Variants in HLCS observed in about 807,000 individuals in gnomAD.
HLCS encodes the protein biotin--protein ligase.
HLCS carries 53 observed loss-of-function variants against 75.0 expected under a neutral mutation model. The ratio of observed to expected loss-of-function variants is 0.71; its 90% CI spans 0.57 to 0.89. HLCS has a LOEUF of 0.89. HLCS is among the 40% of genes least tolerant of loss of function. The probability of loss-of-function intolerance (pLI) is 0.00; values close to 1 mark genes in which losing one functional copy is unlikely to be tolerated. For synonymous variants in HLCS, 431 were observed against 428.6 expected (o/e 1.01, Z -0.07); for missense variants, 966 against 1,074.0 (o/e 0.90, Z 1.41).
At chr21:36,821,945 C>T (rs947885455) in intron 6 of HLCS, among the ~76,000 whole-genome samples, 2 of 152,072 alleles carry the variant, frequency 1.3e-5, no homozygotes, top group Non-Finnish European at 2.9e-5. Flanking sequence ...GAGAAACTGA[C>T]AGCTGACAGG....
intron 1 of HLCS, among the ~76,000 whole-genome samples, chr21:36,975,423 T>A (rs1265522436): frequency 6.6e-6 from 1 of 152,066 alleles, no homozygotes; most frequent in Admixed American, 6.6e-5. Flanking sequence ...CCGTCCCCTG[T>A]TTCCCACGGT....
chr21:36,780,843 T>C (rs772345919), intron 6 of HLCS, among the ~76,000 whole-genome samples: 4 of 152,086 alleles, frequency 2.6e-5, no homozygotes. Flanking sequence ...TGCGTGTGTA[T>C]ACACAGTCAA....
At chr21:36,972,712 G>GT (rs1484934396) in intron 1 of HLCS, among the ~76,000 whole-genome samples, 1 of 152,160 alleles carries the variant, frequency 6.6e-6, no homozygotes, top group African/African-American at 2.4e-5. Flanking sequence ...TATACTTGAA[G>GT]TGTGTTAGAG....
At chr21:36,961,974 A>C (rs887585180) in intron 2 of HLCS, 62 bp downstream of exon 2, 2 of 1,135,026 alleles carry the variant, frequency 1.8e-6, no homozygotes, top group South Asian at 1.4e-5. Flanking sequence ...AAAAAAAAGC[A>C]AATTTGGTTT....
chr21:36,956,428 T>C (rs1239956326), intron 2 of HLCS, among the ~76,000 whole-genome samples: 1 of 152,180 alleles, frequency 6.6e-6, no homozygotes, highest in Non-Finnish European at 1.5e-5. Context: ...TGAAATATTT[T>C]AAGATATTTG....
intron 6 of HLCS, among the ~76,000 whole-genome samples, chr21:36,799,238 T>C (rs973918832): frequency 2.0e-5 from 3 of 152,360 alleles, no homozygotes; most frequent in South Asian, 4.1e-4. Flanking sequence ...CAGGCAGATA[T>C]TCAATGGTTC....
At chr21:36,966,361 G>T in intron 1 of HLCS, 83 bp downstream of exon 1, 1 of 675,182 alleles carries the variant, frequency 1.5e-6, no homozygotes. Context: ...CGAACTCCCG[G>T]GCTCCCGGCG....
chr21:36,786,491 C>T (rs1328871132), intron 6 of HLCS, among the ~76,000 whole-genome samples: 1 of 151,960 alleles, frequency 6.6e-6, no homozygotes, highest in East Asian at 1.9e-4. Context: ...CTGTGAATAC[C>T]ATCAAAATCC....
intron 6 of HLCS, among the ~76,000 whole-genome samples, chr21:36,850,072 GC>G (rs1255278788): frequency 1.3e-5 from 2 of 152,208 alleles, no homozygotes. Flanking sequence ...AAGGCAGAGA[GC>G]AGAGGTGAGA....
chr21:36,906,049 C>CAAAAAAAAAAAAAAAAAAAAAAA, intron 5 of HLCS, among the ~76,000 whole-genome samples: 1 of 92,860 alleles, frequency 1.1e-5, no homozygotes, highest in Non-Finnish European at 2.2e-5. Context: ...GACTCCATCT[C>CAAAAAAAAAAAAAAAAAAAAAAA]AAAAAAAAAA....
chr21:36,874,557 A>G (rs2063895016), intron 6 of HLCS, among the ~76,000 whole-genome samples: 1 of 152,224 alleles, frequency 6.6e-6, no homozygotes, highest in Non-Finnish European at 1.5e-5. Flanking sequence ...AGTAAGTCTT[A>G]AAGTTAAGTA....
chr21:36,872,559 G>A (rs368386989), intron 6 of HLCS, among the ~76,000 whole-genome samples: 1 of 152,124 alleles, frequency 6.6e-6, no homozygotes, highest in Non-Finnish European at 1.5e-5. Context: ...TCCCACCATA[G>A]ATTAGATGTG....
At position 36,987,484 on chromosome 21, in the gene HLCS, G is replaced by A. The variant is rs553741679; in HGVS notation, c.-393+2674C>T. On this transcript the variant is annotated intron_variant, in intron 1 of 11. Coordinates refer to the HLCS transcript ENST00000336648. ...AAAAATTAGCCAGGTGTGGTGGTGC[G>A]TGCCTGTAATCCCAGCTACTCAGGA... is the stretch of plus-strand genomic sequence containing the variant. Among the ~76,000 whole-genome samples, 617 of 152,158 alleles carry A rather than the reference G, an allele frequency of 4.1e-3. 5 individuals are homozygous for A. The highest frequency in any genetic ancestry group is 7.0e-3 in the Non-Finnish European group (475 of 67,996).
intron 6 of HLCS, among the ~76,000 whole-genome samples, chr21:36,866,538 A>G (rs1334549242): frequency 1.3e-5 from 2 of 152,130 alleles, no homozygotes; most frequent in Admixed American, 1.3e-4. Context: ...TACATCTCCC[A>G]CTCCAGTCTA....
At chr21:36,954,031 C>G (rs1239963572) in intron 2 of HLCS, among the ~76,000 whole-genome samples, 2 of 152,152 alleles carry the variant, frequency 1.3e-5, no homozygotes, top group Non-Finnish European at 2.9e-5. Flanking sequence ...CAAGGCCAGA[C>G]GCAGTGGCTG....
At chr21:36,958,906 AATG>A (rs1160898225) in intron 2 of HLCS, among the ~76,000 whole-genome samples, 46 of 152,240 alleles carry the variant, frequency 3.0e-4, no homozygotes, top group African/African-American at 1.1e-3. Context: ...CAATAATAAT[AATG>A]ATAATACTTT....
chr21:36,953,346 T>A (rs1243095404), intron 2 of HLCS, among the ~76,000 whole-genome samples: 2 of 152,044 alleles, frequency 1.3e-5, no homozygotes, highest in Admixed American at 6.6e-5. Context: ...CTGACACTGG[T>A]GGAGTAGCAC....
At chr21:36,844,343 G>A (rs1280289283) in intron 6 of HLCS, among the ~76,000 whole-genome samples, 10 of 152,104 alleles carry the variant, frequency 6.6e-5, no homozygotes, top group Non-Finnish European at 1.3e-4. Context: ...AGGGGGAAAC[G>A]GAGGGGGATT....
chr21:36,966,820 C>CGGGAGGGGCGGG (rs1555974561), upstream of HLCS, among the ~76,000 whole-genome samples: 4 of 87,562 alleles, frequency 4.6e-5, no homozygotes, highest in African/African-American at 2.0e-4. Context: ...GCGGGAGGGG[C>CGGGAGGGGCGGG]GGGGGGGGGT....
Sources: allele counts gnomAD v4.1 joint callset (sites outside exome capture counted in the v4.1 genomes callset), GRCh38; gene constraint gnomAD v4.1.1; transcripts MANE v1.5; gene names NCBI Gene and HGNC (gene_info 2026-07-23, HGNC 2026-07-21).